LRCH3: variants seen among roughly 807,000 people sequenced by gnomAD.
LRCH3 encodes the protein DISP complex protein LRCH3.
In LRCH3, 68 loss-of-function variants were observed where a neutral mutation model predicts 104.5. The observed-to-expected ratio is 0.65, with a 90% CI of 0.54 to 0.80. LRCH3 has a LOEUF of 0.80. Ranked by LOEUF, LRCH3 falls within the 30% of genes least tolerant of loss-of-function variation. The pLI is 0.00. For synonymous variants in LRCH3, 344 were observed against 361.3 expected (o/e 0.95, Z 0.54); for missense variants, 951 against 953.9 (o/e 1.00, Z 0.04).
intron 20 of LRCH3, among the ~76,000 whole-genome samples, chr3:197,879,445 G>A (rs924819863): frequency 5.3e-5 from 8 of 151,538 alleles, no homozygotes; most frequent in Non-Finnish European, 1.2e-4. Context: ...AGGAGATCGA[G>A]ACCATCCTGG....
At chr3:197,802,295 G>A (rs1290080713) in intron 1 of LRCH3, among the ~76,000 whole-genome samples, 1 of 152,146 alleles carries the variant, frequency 6.6e-6, no homozygotes, top group Admixed American at 6.5e-5. Context: ...TCCATTTTGT[G>A]CTGCTATAAC....
At chr3:197,853,733 C>T (rs558835454) in intron 13 of LRCH3, among the ~76,000 whole-genome samples, 18 of 152,078 alleles carry the variant, frequency 1.2e-4, no homozygotes, top group African/African-American at 4.3e-4. Flanking sequence ...AGACATAGAA[C>T]TACTTCTGTT....
At chr3:197,804,114 C>T (rs1357161974) in intron 1 of LRCH3, among the ~76,000 whole-genome samples, 2 of 152,004 alleles carry the variant, frequency 1.3e-5, no homozygotes, top group African/African-American at 4.8e-5. Flanking sequence ...CAAAAATTAG[C>T]CAGGCGTGGT....
chr3:197,793,630 T>G (rs1021092900), intron 1 of LRCH3, among the ~76,000 whole-genome samples: 1 of 152,194 alleles, frequency 6.6e-6, no homozygotes, highest in Non-Finnish European at 1.5e-5. Flanking sequence ...AAAATCCAAG[T>G]GCATTTATGA....
intron 1 of LRCH3, among the ~76,000 whole-genome samples, chr3:197,809,669 C>T (rs1732900226): frequency 1.3e-5 from 2 of 151,776 alleles, no homozygotes; most frequent in African/African-American, 4.8e-5. Flanking sequence ...TGATTCTTTC[C>T]TCTCTGCCCT....
chr3:197,854,700 A>T lies in LRCH3; in HGVS notation c.1644+255A>T, dbSNP rs1580822168. Among the ~76,000 whole-genome samples the T allele has an allele frequency of 6.6e-6, 1 of 152,208 alleles. No homozygotes were observed. The highest frequency in any genetic ancestry group is 1.5e-5 in the Non-Finnish European group (1 of 68,032). ...CATATTGGCTTTGTGTGTGCTGGGA[A>T]TGGAGGCATAACATAATATTCATGT... On this transcript the variant is annotated intron_variant, in intron 14 of 20. Transcript: ENST00000425562. This position sits in a 1 kb window ranked among gnomAD's most constrained non-coding sequence, Gnocchi z 4.5.
At chr3:197,815,462 G>C (rs946753959) in intron 2 of LRCH3, among the ~76,000 whole-genome samples, 5 of 152,150 alleles carry the variant, frequency 3.3e-5, no homozygotes, top group African/African-American at 1.2e-4. Flanking sequence ...ACTAGATAGT[G>C]TAGTAAAGTG....
chr3:197,855,165 G>T (rs965534190), intron 14 of LRCH3, among the ~76,000 whole-genome samples: 1 of 152,276 alleles, frequency 6.6e-6, no homozygotes, highest in East Asian at 1.9e-4. Flanking sequence ...TGCTGCCAGG[G>T]TGCATCCTGC....
At chr3:197,805,155 A>G (rs986446261) in intron 1 of LRCH3, among the ~76,000 whole-genome samples, 1 of 152,184 alleles carries the variant, frequency 6.6e-6, no homozygotes, top group African/African-American at 2.4e-5. Context: ...GGCCTCCCAA[A>G]GTGCTGGGAT....
At chr3:197,814,869 C>T in intron 1 of LRCH3, 39 bp from the exon 2 acceptor site, 3 of 1,516,932 alleles carry the variant, frequency 2.0e-6, no homozygotes, top group Non-Finnish European at 2.7e-6. Flanking sequence ...AAATAAGTTC[C>T]AAGGACTGAT....
intron 15 of LRCH3, among the ~76,000 whole-genome samples, 193 bp from the exon 16 acceptor site, chr3:197,865,230 C>A (rs1015312247): frequency 1.3e-5 from 2 of 152,154 alleles, no homozygotes; most frequent in Non-Finnish European, 2.9e-5. Flanking sequence ...TCAAGTAATC[C>A]TCGCACCTCA....
intron 1 of LRCH3, among the ~76,000 whole-genome samples, chr3:197,802,716 A>G (rs1426628300): frequency 1.3e-5 from 2 of 152,106 alleles, no homozygotes; most frequent in African/African-American, 4.8e-5. Context: ...CAATCTCGGG[A>G]GGTTCTATGT....
At chr3:197,811,117 G>A (rs1733070513) in intron 1 of LRCH3, among the ~76,000 whole-genome samples, 1 of 152,088 alleles carries the variant, frequency 6.6e-6, no homozygotes. Flanking sequence ...CTCATCACGG[G>A]GTCTTCAGTG....
intron 19 of LRCH3, among the ~76,000 whole-genome samples, chr3:197,875,370 A>G (rs1281471633): frequency 6.6e-6 from 1 of 152,214 alleles, no homozygotes; most frequent in African/African-American, 2.4e-5. Flanking sequence ...AATATTTTTT[A>G]ATGTTGCTAG....
chr3:197,857,606 G>T (rs1740437020), intron 14 of LRCH3, among the ~76,000 whole-genome samples: 1 of 152,174 alleles, frequency 6.6e-6, no homozygotes, highest in Admixed American at 6.5e-5. Context: ...GTCTATATCA[G>T]GTCTCATTTT....
At chr3:197,793,892 C>T (rs550072899) in intron 1 of LRCH3, among the ~76,000 whole-genome samples, 1 of 152,294 alleles carries the variant, frequency 6.6e-6, no homozygotes, top group South Asian at 2.1e-4. Flanking sequence ...AGACCTTGCT[C>T]GTTACCCAGT....
At chr3:197,815,405 A>C (rs1733689364) in intron 2 of LRCH3, among the ~76,000 whole-genome samples, 1 of 152,188 alleles carries the variant, frequency 6.6e-6, no homozygotes. Flanking sequence ...AAATCTTCTA[A>C]CACAAGGCCT....
In LRCH3 at chr3:197,865,767, G is replaced by GTT. The variant is rs11324714; in HGVS notation, c.1765+310_1765+311dup. The stretch of plus-strand genomic sequence containing the variant: ...CAGATACAGAATTGGAAACCACTGG[G>GTT]TTTTTTTTTTTTTTTCCCATTTTTA... On this transcript the variant is annotated intron_variant, in intron 16 of 20. Transcript: ENST00000425562. Among the ~76,000 whole-genome samples, 158 of 140,208 alleles carry GTT rather than the reference G, an allele frequency of 1.1e-3. No homozygotes were observed. In the East Asian group the frequency reaches 0.012, roughly 11 times the overall value. 92.0% of individuals were successfully genotyped at this position (140,208 alleles called of 152,430 possible).
chr3:197,880,357 C>T (rs1412011996), intron 20 of LRCH3, among the ~76,000 whole-genome samples: 1 of 152,158 alleles, frequency 6.6e-6, no homozygotes, highest in Non-Finnish European at 1.5e-5. Flanking sequence ...TTTGGGTTTT[C>T]AGCGTTTTAT....
Sources: allele counts gnomAD v4.1 joint callset (sites outside exome capture counted in the v4.1 genomes callset), GRCh38; gene constraint gnomAD v4.1.1; non-coding constraint Gnocchi (gnomAD v3.1); transcripts MANE v1.5; gene names NCBI Gene and HGNC (gene_info 2026-07-23, HGNC 2026-07-21).